The following C12orf56 variants were observed in gnomAD, a reference collection of about 807,000 sequenced individuals.
The protein encoded by C12orf56 is chromosome 12 open reading frame 56.
Under a neutral mutation model 69.9 loss-of-function variants are expected in C12orf56, and 71 were observed. The observed-to-expected ratio is 1.02, with a 90% CI of 0.84 to 1.24. The LOEUF (loss-of-function observed/expected upper bound fraction) is 1.24. C12orf56 is among the 50% of genes most tolerant of loss of function. C12orf56 has a pLI of 0.00. For synonymous variants in C12orf56, 276 were observed against 274.1 expected (o/e 1.01, Z -0.07); for missense variants, 732 against 738.5 (o/e 0.99, Z 0.10).
chr12:64,379,123 G>A (rs370281397), intron 1 of C12orf56, among the ~76,000 whole-genome samples: 7 of 151,742 alleles, frequency 4.6e-5, no homozygotes, highest in Non-Finnish European at 1.0e-4. Flanking sequence ...TCCTGAATCA[G>A]ACCTAAACCT....
At chr12:64,382,016 C>G (rs1478653949) in intron 1 of C12orf56, among the ~76,000 whole-genome samples, 1 of 152,056 alleles carries the variant, frequency 6.6e-6, no homozygotes, top group South Asian at 2.1e-4. Context: ...AATCCCAGCA[C>G]TTTGGGAGGT....
At chr12:64,324,158 C>G (rs956286186) in intron 3 of C12orf56, among the ~76,000 whole-genome samples, 20 of 152,120 alleles carry the variant, frequency 1.3e-4, no homozygotes, top group African/African-American at 4.1e-4. Context: ...ATTATGCAAG[C>G]CAGGCTAGGT....
chr12:64,274,951 T>G lies in C12orf56; in HGVS notation c.1534A>C (p.Lys512Gln), dbSNP rs776660321. 3 of 1,612,426 alleles carry G rather than the reference T, an allele frequency of 1.9e-6. No homozygotes were observed. In the South Asian group the frequency reaches 3.3e-5, roughly 18 times the overall value. Residue 512 changes from lysine (K) to glutamine (Q), a missense_variant, in exon 11 of 13, where the codon AAG (lysine) becomes CAG (glutamine). Transcript: ENST00000543942. ...QQGNLGLGSTKFAISWIMSFL... is the reference protein window; with the variant it reads ...QQGNLGLGSTQFAISWIMSFL... ...GACATTATCCAGCTAATAGCAAACT[T>G]TGTGGATCCCAATCCGAGATTTCCC...
chr12:64,312,525 CTT>C (rs1199750433), intron 5 of C12orf56, 152 bp downstream of exon 5: 4 of 547,426 alleles, frequency 7.3e-6, no homozygotes, highest in African/African-American at 1.9e-5. Context: ...AGGAGAATCT[CTT>C]GAGCCCAGGA....
chr12:64,281,683 A>G (rs1010808763), intron 8 of C12orf56, among the ~76,000 whole-genome samples: 1 of 152,218 alleles, frequency 6.6e-6, no homozygotes, highest in African/African-American at 2.4e-5. Context: ...ACTGGCTGAG[A>G]AAAGTTAATA....
chr12:64,277,576 A>T, intron 9 of C12orf56, 104 bp downstream of exon 9: 1 of 749,416 alleles, frequency 1.3e-6, no homozygotes, highest in Non-Finnish European at 1.8e-6. Context: ...TCTTTGGTTT[A>T]ATTATGTTTC....
intron 1 of C12orf56, among the ~76,000 whole-genome samples, chr12:64,363,533 C>T (rs953900244): frequency 2.6e-5 from 4 of 152,042 alleles, no homozygotes; most frequent in Admixed American, 1.3e-4. Flanking sequence ...GGCCCCTTTG[C>T]GAGGAGGAGG....
chr12:64,340,685 CAT>C (rs1399599785), intron 2 of C12orf56, among the ~76,000 whole-genome samples: 1 of 152,122 alleles, frequency 6.6e-6, no homozygotes, highest in African/African-American at 2.4e-5. Flanking sequence ...CATGCACAAA[CAT>C]GTTTTTAACG....
intron 11 of C12orf56, among the ~76,000 whole-genome samples, chr12:64,274,664 A>G (rs759390006): frequency 6.6e-5 from 10 of 152,236 alleles, no homozygotes; most frequent in Non-Finnish European, 1.3e-4. Flanking sequence ...CATGTATCTT[A>G]GAGTTTTTCA....
At chr12:64,343,284 G>A (rs574096436) in intron 2 of C12orf56, among the ~76,000 whole-genome samples, 1 of 152,212 alleles carries the variant, frequency 6.6e-6, no homozygotes, top group South Asian at 2.1e-4. Context: ...TCACCAATAA[G>A]TCCAGTGTGT....
intron 1 of C12orf56, among the ~76,000 whole-genome samples, chr12:64,380,844 T>C (rs2039711438): frequency 6.6e-6 from 1 of 152,206 alleles, no homozygotes; most frequent in South Asian, 2.1e-4. Flanking sequence ...GGTTAAATCA[T>C]GCAGGCTTTT....
At chr12:64,296,357 A>AT (rs1161589332) in intron 6 of C12orf56, among the ~76,000 whole-genome samples, 1 of 152,014 alleles carries the variant, frequency 6.6e-6, no homozygotes, top group African/African-American at 2.4e-5. Flanking sequence ...AGACACTGTT[A>AT]TTTTCCCTGT....
chr12:64,270,986 T>C (rs2037982069), intron 11 of C12orf56, among the ~76,000 whole-genome samples: 1 of 151,696 alleles, frequency 6.6e-6, no homozygotes, highest in African/African-American at 2.4e-5. Context: ...ACCAACATGG[T>C]GGAACCCCGT....
intron 3 of C12orf56, among the ~76,000 whole-genome samples, chr12:64,327,544 C>T (rs1021203715): frequency 6.6e-6 from 1 of 152,144 alleles, no homozygotes; most frequent in African/African-American, 2.4e-5. Context: ...ATTATTGGCA[C>T]TTAGTGGACA....
At chr12:64,280,234 A>G (rs1157821169) in intron 8 of C12orf56, among the ~76,000 whole-genome samples, 1 of 152,248 alleles carries the variant, frequency 6.6e-6, no homozygotes, top group Non-Finnish European at 1.5e-5. Context: ...AATAATAGAT[A>G]GAAGAAATTT....
chr12:64,332,670 G>A (rs1007314721), intron 2 of C12orf56, among the ~76,000 whole-genome samples: 2 of 152,174 alleles, frequency 1.3e-5, no homozygotes, highest in Non-Finnish European at 2.9e-5. Context: ...ACCTAGATCC[G>A]CTCCTGCCCT....
chr12:64,350,294 C>T (rs1227499844), intron 2 of C12orf56, among the ~76,000 whole-genome samples: 1 of 151,950 alleles, frequency 6.6e-6, no homozygotes, highest in Admixed American at 6.6e-5. Flanking sequence ...ACTCATGTAA[C>T]AAAATATGAC....
intron 11 of C12orf56, among the ~76,000 whole-genome samples, chr12:64,274,429 T>C (rs1478451087): frequency 6.6e-6 from 1 of 152,156 alleles, no homozygotes; most frequent in Admixed American, 6.5e-5. Context: ...AGATTTTTAT[T>C]TCAAATGGAT....
In C12orf56 at chr12:64,307,856, T is replaced by A. The variant is rs117751412; in HGVS notation, c.969-4077A>T. Among the ~76,000 whole-genome samples, 952 of 150,740 alleles carry A rather than the reference T, an allele frequency of 6.3e-3. 5 individuals are homozygous for A. The highest frequency in any genetic ancestry group is 0.012 in the South Asian group (57 of 4,760). ...CATCTCAATAAATAAATAAATAAAT[T>A]AATTAATTAATTAGCCAGCCATGGT... On this transcript the variant is annotated intron_variant, in intron 5 of 12. Coordinates refer to ENST00000543942, the MANE Select transcript of C12orf56 (RefSeq NM_001170633.2).
Sources: gnomAD v4.1 joint callset for allele counts (sites outside exome capture counted in the v4.1 genomes callset) on GRCh38, gnomAD v4.1.1 for gene constraint, MANE v1.5 for transcripts, NCBI Gene and HGNC (gene_info 2026-07-23, HGNC 2026-07-21) for gene names.